CSMD3: variants seen among roughly 807,000 people sequenced by gnomAD.
CSMD3 encodes the protein CUB and sushi domain-containing protein 3.
In CSMD3, 177 loss-of-function variants were observed where a neutral mutation model predicts 435.2. That is an observed-to-expected ratio of 0.41 (90% CI 0.36 to 0.46). The LOEUF (loss-of-function observed/expected upper bound fraction) is 0.46, where lower values mean the gene tolerates loss of function less well. CSMD3 is among the 20% of genes least tolerant of loss of function. The probability of loss-of-function intolerance (pLI) is 0.34; values close to 1 mark genes in which losing one functional copy is unlikely to be tolerated. For synonymous variants in CSMD3, 1,656 were observed against 1,520.5 expected, an observed-to-expected ratio of 1.09 and a Z score of -2.07; for missense variants, 4,265 against 4,504.6, an observed-to-expected ratio of 0.95 and a Z score of 1.52.
chr8:112,223,173 G>T lies in CSMD3; in HGVS notation c.*1598C>A. 2 of 396,784 alleles carry T rather than the reference G, an allele frequency of 5.0e-6. No homozygotes were observed. The highest frequency in any genetic ancestry group is 1.3e-4 in the South Asian group (1 of 7,732). The allele number at this position is 396,784 out of a possible 1,614,324, so 24.6% of individuals were successfully genotyped here. ...GAATAAACAAGAATAAATAACTGAT[G>T]GCATAAAATTTAAAACTGCATCCTG... is the stretch of plus-strand genomic sequence containing the variant. On this transcript the variant is annotated 3_prime_UTR_variant, in exon 71 of 71. Coordinates refer to ENST00000297405, the MANE Select transcript of CSMD3 (RefSeq NM_198123.2).
At chr8:112,575,045 T>C (rs10089202) in intron 23 of CSMD3, among the ~76,000 whole-genome samples, 60,556 of 151,694 alleles carry the variant, frequency 0.4, 13,080 homozygotes, top group East Asian at 0.58. Context: ...TTTTTTCTTA[T>C]ACTAGATTGT....
chr8:112,223,676 A>T lies in CSMD3; in HGVS notation c.*1095T>A, dbSNP rs1812338406. On this transcript the variant is annotated 3_prime_UTR_variant, in exon 71 of 71. Coordinates refer to ENST00000297405, the MANE Select transcript of CSMD3 (RefSeq NM_198123.2). ...CAATAAATTTATATTGGTGATTTAT[A>T]ATAATAATTTTTTTCAGTCATTATG... 1 of 152,192 alleles carries T rather than the reference A, an allele frequency of 6.6e-6. No individual in the cohort carries two copies. Among genetic ancestry groups the T allele is most frequent in the South Asian group, 2.1e-4 (1 of 4,836 alleles). 9.4% of individuals were successfully genotyped at this position (152,192 alleles called of 1,614,324 possible).
rs573909029 is a variant in CSMD3, at chr8:112,334,862, A to G, written c.7165+467T>C. ...TGGAATAGTCACTTAAAACTGTAAG[A>G]TTCTAGAATAGACACAGTTTTGAAA... On this transcript the variant is annotated intron_variant, in intron 45 of 70. Transcript: ENST00000297405. 5.3e-5 allele frequency among the ~76,000 whole-genome samples: 8 copies of G among 152,328 alleles called. No homozygotes were observed. In the South Asian group the frequency reaches 1.7e-3, roughly 32 times the overall value.
intron 9 of CSMD3, among the ~76,000 whole-genome samples, chr8:112,947,403 C>T (rs2130795531): frequency 6.6e-6 from 1 of 151,676 alleles, no homozygotes; most frequent in Admixed American, 6.6e-5. Context: ...TTGAAACTCA[C>T]CATTATATGT....
chr8:113,402,546 A>T (rs1320187777), intron 1 of CSMD3, among the ~76,000 whole-genome samples: 1 of 151,326 alleles, frequency 6.6e-6, no homozygotes, highest in Non-Finnish European at 1.5e-5. Context: ...CCGAATTTAA[A>T]AATCTATTGA....
intron 5 of CSMD3, among the ~76,000 whole-genome samples, chr8:113,050,803 C>T (rs2088054602): frequency 6.6e-6 from 1 of 151,920 alleles, no homozygotes; most frequent in Admixed American, 6.6e-5. Context: ...AAATATTAAG[C>T]ATATGAGCCA....
intron 1 of CSMD3, among the ~76,000 whole-genome samples, chr8:113,340,767 G>C (rs572696067): frequency 6.6e-6 from 1 of 152,056 alleles, no homozygotes; most frequent in East Asian, 1.9e-4. Flanking sequence ...TACTCAGGAG[G>C]CTAAGGCATG....
At chr8:112,907,515 T>G (rs552888064) in intron 10 of CSMD3, among the ~76,000 whole-genome samples, 40 of 151,366 alleles carry the variant, frequency 2.6e-4, no homozygotes, top group Non-Finnish European at 5.2e-4. Context: ...ATTAATTACT[T>G]GTAGTCAGTA....
chr8:113,106,835 TTC>T (rs1348198597), intron 4 of CSMD3, among the ~76,000 whole-genome samples: 1 of 151,090 alleles, frequency 6.6e-6, no homozygotes, highest in African/African-American at 2.5e-5. Context: ...ACATTCTTTA[TTC>T]TCTTTCTTTT....
chr8:113,198,014 A>G (rs1172845896), intron 3 of CSMD3, among the ~76,000 whole-genome samples: 2 of 151,374 alleles, frequency 1.3e-5, no homozygotes, highest in Non-Finnish European at 3.0e-5. Flanking sequence ...AAAAATAGTA[A>G]AAATAAACCA....
At chr8:112,503,428 T>C (rs1290565359) in intron 30 of CSMD3, among the ~76,000 whole-genome samples, 1 of 152,242 alleles carries the variant, frequency 6.6e-6, no homozygotes, top group Non-Finnish European at 1.5e-5. Flanking sequence ...GTTCCCTTTA[T>C]CACTGAAAGT....
intron 27 of CSMD3, among the ~76,000 whole-genome samples, chr8:112,548,763 C>T (rs1827414479): frequency 6.6e-6 from 1 of 151,910 alleles, no homozygotes; most frequent in Non-Finnish European, 1.5e-5. Flanking sequence ...GATCTCTAGC[C>T]AAGAGGTTAA....
intron 3 of CSMD3, among the ~76,000 whole-genome samples, chr8:113,213,507 G>T (rs961981232): frequency 2.7e-5 from 4 of 150,650 alleles, no homozygotes; most frequent in South Asian, 2.1e-4. Flanking sequence ...TTATTCTTTT[G>T]TGTGTTTTTT....
In CSMD3 at chr8:112,465,064, C is replaced by T. The variant is rs1817824177; in HGVS notation, c.5395+7527G>A. Among the ~76,000 whole-genome samples the T allele has an allele frequency of 2.0e-5, 3 of 152,046 alleles. No individual in the cohort carries two copies. In the South Asian group the frequency reaches 6.2e-4, roughly 32 times the overall value. ...TTCAGTTAAAAGTTAGTTAATATAGCCCAGTGTAAAATAACATAGGGCCTT... is the reference window on the plus strand; with the variant it reads ...TTCAGTTAAAAGTTAGTTAATATAGTCCAGTGTAAAATAACATAGGGCCTT... On this transcript the variant is annotated intron_variant, in intron 32 of 70. Transcript: ENST00000297405.
At chr8:112,254,382 C>G (rs1815589506) in intron 62 of CSMD3, 56 bp from the exon 63 acceptor site, 1 of 1,167,152 alleles carries the variant, frequency 8.6e-7, no homozygotes, top group African/African-American at 1.5e-5. Context: ...AGATATAGTT[C>G]TCTCACAGAA....
intron 3 of CSMD3, among the ~76,000 whole-genome samples, chr8:113,225,278 C>T (rs1038275428): frequency 1.3e-5 from 2 of 151,336 alleles, no homozygotes; most frequent in African/African-American, 4.8e-5. Context: ...ATTTCTGCAC[C>T]GTCCTGAAAA....
intron 1 of CSMD3, among the ~76,000 whole-genome samples, chr8:113,346,382 A>T (rs769770445): frequency 6.6e-6 from 1 of 152,154 alleles, no homozygotes; most frequent in Non-Finnish European, 1.5e-5. Context: ...TGAACTTAAA[A>T]AATCTGGAAT....
At chr8:113,038,328 G>C (rs2087449880) in intron 5 of CSMD3, among the ~76,000 whole-genome samples, 1 of 152,100 alleles carries the variant, frequency 6.6e-6, no homozygotes, top group Non-Finnish European at 1.5e-5. Flanking sequence ...TTATATTGAG[G>C]TATTTTTTTC....
chr8:113,139,663 A>T (rs2091500187), intron 4 of CSMD3, among the ~76,000 whole-genome samples: 1 of 151,038 alleles, frequency 6.6e-6, no homozygotes, highest in Non-Finnish European at 1.5e-5. Flanking sequence ...AACAGAGAAA[A>T]GAAAATGAAA....
Sources: gnomAD v4.1 joint callset for allele counts (sites outside exome capture counted in the v4.1 genomes callset) on GRCh38, gnomAD v4.1.1 for gene constraint, MANE v1.5 for transcripts, NCBI Gene and HGNC (gene_info 2026-07-23, HGNC 2026-07-21) for gene names.